PDCD2L: variants seen among roughly 807,000 people sequenced by gnomAD.
PDCD2L encodes uS5 assembly chaperone PDCD2L.
PDCD2L carries 44 observed loss-of-function variants against 40.4 expected under a neutral mutation model. The observed-to-expected ratio is 1.09, with a 90% CI of 0.86 to 1.40. The LOEUF is 1.40. PDCD2L is among the 40% of genes most tolerant of loss of function. The pLI is 0.00. For synonymous variants in PDCD2L, 194 were observed against 174.6 expected, an observed-to-expected ratio of 1.11 and a Z score of -0.88; for missense variants, 470 against 453.7, an observed-to-expected ratio of 1.04 and a Z score of -0.33.
intron 4 of PDCD2L, among the ~76,000 whole-genome samples, chr19:34,413,405 G>T (rs1036047549): frequency 6.9e-6 from 1 of 144,326 alleles, no homozygotes; most frequent in Non-Finnish European, 1.5e-5. Flanking sequence ...GCACGATCTC[G>T]GCTCACTGCA....
chr19:34,413,853 A>G lies in PDCD2L; in HGVS notation c.797+6A>G, dbSNP rs141435266. The stretch of plus-strand genomic sequence containing the variant: ...TGTCAGGAGCAGATTTTGAGGTAAA[A>G]AAAGGCACAGTTCCTTTTATTGTTT... On this transcript the variant is annotated splice_donor_region_variant and intron_variant, in intron 5 of 6. Coordinates refer to ENST00000246535, the MANE Select transcript of PDCD2L (RefSeq NM_032346.2). 23,126 of 1,504,988 alleles carry G rather than the reference A, an allele frequency of 0.015. 233 individuals are homozygous for G. Among genetic ancestry groups the G allele is most frequent in the Non-Finnish European group, 0.019 (20,607 of 1,087,352 alleles). 93.2% of individuals were successfully genotyped at this position (1,504,988 alleles called of 1,614,324 possible). A position where few individuals can be genotyped will look rare whatever the true frequency, so the allele number is the denominator to read the frequency against.
intron 4 of PDCD2L, among the ~76,000 whole-genome samples, chr19:34,413,422 G>A (rs890839516): frequency 1.3e-4 from 19 of 141,184 alleles, no homozygotes; most frequent in Admixed American, 7.8e-4. Context: ...TGCAACTTCC[G>A]CTTCCCGGGT....
chr19:34,415,074 C>T (rs1474214616), intron 5 of PDCD2L, among the ~76,000 whole-genome samples: 9 of 151,962 alleles, frequency 5.9e-5, no homozygotes, highest in East Asian at 3.9e-4. Flanking sequence ...ATGGGATTAC[C>T]GGCATCAGCC....
intron 6 of PDCD2L, 139 bp from the exon 7 acceptor site, chr19:34,425,851 C>G (rs373643980): frequency 4.0e-6 from 3 of 741,456 alleles, no homozygotes; most frequent in Admixed American, 2.9e-5. Flanking sequence ...GACTGTGATT[C>G]TGTTATAGCT....
intron 6 of PDCD2L, among the ~76,000 whole-genome samples, chr19:34,423,144 T>C (rs1599876548): frequency 2.0e-5 from 3 of 152,284 alleles, no homozygotes; most frequent in East Asian, 1.9e-4. Flanking sequence ...CTCCTTACCA[T>C]AGTAGATAAG....
At chr19:34,425,951 C>T (rs201291328) in intron 6 of PDCD2L, 39 bp from the exon 7 acceptor site, 3 of 1,595,324 alleles carry the variant, frequency 1.9e-6, no homozygotes, top group South Asian at 1.1e-5. Context: ...AGTCTCATAA[C>T]TCTTTTTGCT....
Position 34,408,711 on chromosome 19 carries a change from CTG to C in PDCD2L, c.337-446_337-445del, listed in dbSNP as rs1289389523. Among the ~76,000 whole-genome samples the C allele has an allele frequency of 2.6e-5, 4 of 152,330 alleles. No individual in the cohort carries two copies. The East Asian group carries it at 7.7e-4, about 29-fold the overall frequency. On this transcript the variant is annotated intron_variant, in intron 3 of 6. Coordinates refer to ENST00000246535, the MANE Select transcript of PDCD2L (RefSeq NM_032346.2). Reference sequence around the variant, plus strand: ...CGTTGGCTCCAAAGCCTTGTTCTGTCTGTGTCTACACAATGGCTACCTTTTGC... The same window carrying C: ...CGTTGGCTCCAAAGCCTTGTTCTGTCTGTCTACACAATGGCTACCTTTTGC...
rs1568356445 is a variant in PDCD2L, at chr19:34,404,504, GT to G, written c.75del (p.Ala26ProfsTer131). ...GTGCACGGCAGCCCCACAGGGCCGG[GT>G]GCCTGGACTGCTAGCAAGCTGGGCG... ...APVHGSPTGP[G>X]AWTASKLGGI... On this transcript the variant is annotated frameshift_variant, in exon 1 of 7. Transcript: ENST00000246535. LOFTEE classifies it high-confidence loss of function. 2.6e-6 allele frequency: 4 copies of G among 1,542,978 alleles called. No individual in the cohort carries two copies. The highest frequency in any genetic ancestry group is 3.5e-6 in the Non-Finnish European group (4 of 1,147,142).
chr19:34,422,241 G>A (rs868491349), intron 6 of PDCD2L: 1 of 150,322 alleles, frequency 6.7e-6, no homozygotes, highest in Admixed American at 6.6e-5. Context: ...TCCAGCTCCC[G>A]GGGTCTAGCA....
Position 34,409,252 on chromosome 19 carries a change from C to T in PDCD2L, c.428C>T (p.Thr143Ile), listed in dbSNP as rs1259887928. The T allele has an allele frequency of 1.9e-6, 3 of 1,614,014 alleles. No individual in the cohort carries two copies. Among genetic ancestry groups the T allele is most frequent in the Middle Eastern group, 1.6e-4 (1 of 6,082 alleles). ...GAGGAGGGGCCTTCACCACAGTTTA[C>T]CTTGGATTTTGGGAATGATGCCAGC... ...DTEEGPSPQF[T>I]LDFGNDASSA... The change falls in exon 4 of 7, where the codon ACC becomes ATC. Residue 143 changes from threonine (T) to isoleucine (I), a missense_variant. By Grantham distance (89) the Thr-to-Ile change is moderately conservative (BLOSUM62 -1). Transcript: ENST00000246535.
intron 4 of PDCD2L, among the ~76,000 whole-genome samples, chr19:34,410,762 T>TTATTTTTATTTA (rs146147218): frequency 6.8e-6 from 1 of 146,248 alleles, no homozygotes; most frequent in Non-Finnish European, 1.5e-5. Flanking sequence ...ACTTTTTATT[T>TTATTTTTATTTA]TTTATTTATT....
chr19:34,423,909 A>C (rs900143079), intron 6 of PDCD2L, among the ~76,000 whole-genome samples: 1 of 152,190 alleles, frequency 6.6e-6, no homozygotes, highest in South Asian at 2.1e-4. Context: ...TTCTTTTTGC[A>C]GTAGCTGGAT....
chr19:34,420,665 C>A lies in PDCD2L; in HGVS notation c.798-854C>A, dbSNP rs140608101. ...AAACTAGCTGGGTATGGTGATGCGC[C>A]TCTGTGTTCCCAGCTACTCAGGAGG... On this transcript the variant is annotated intron_variant, in intron 5 of 6. Transcript: ENST00000246535. Among the ~76,000 whole-genome samples the A allele has an allele frequency of 3.8e-3, 581 of 151,676 alleles. 3 individuals carry two copies. The highest frequency in any genetic ancestry group is 0.013 in the African/African-American group (551 of 41,352).
chr19:34,407,003 A>G (rs2075079727), intron 3 of PDCD2L, among the ~76,000 whole-genome samples: 1 of 151,036 alleles, frequency 6.6e-6, no homozygotes, highest in South Asian at 2.1e-4. Flanking sequence ...CGCCCAGCTA[A>G]TTTTTATATT....
Position 34,426,046 on chromosome 19 carries a change from C to A in PDCD2L, c.1003C>A (p.Pro335Thr). The change falls in exon 7 of 7, where the codon CCC becomes ACC. Residue 335 changes from proline (P) to threonine (T), a missense_variant. Physicochemically the swap from Pro to Thr is conservative, Grantham distance 38. Coordinates refer to ENST00000246535, the MANE Select transcript of PDCD2L (RefSeq NM_032346.2). ...TTACACATGTGAGAAGAGTTGCTGG[C>A]CCCCAAATCATCAGACTCCCATGGA... ...LVYTCEKSCW[P>T]PNHQTPMEEF... 6 of 1,611,864 alleles carry A rather than the reference C, an allele frequency of 3.7e-6. No individual in the cohort carries two copies. Among genetic ancestry groups the A allele is most frequent in the Non-Finnish European group, 4.2e-6 (5 of 1,178,048 alleles).
At chr19:34,410,316 A>G (rs2075096184) in intron 4 of PDCD2L, among the ~76,000 whole-genome samples, 1 of 152,188 alleles carries the variant, frequency 6.6e-6, no homozygotes, top group Non-Finnish European at 1.5e-5. Flanking sequence ...CAATGGCACG[A>G]TCTCGGCTCA....
At position 34,404,825 on chromosome 19, in the gene PDCD2L, G is replaced by A. The variant is rs746848700; in HGVS notation, c.275+10G>A. The A allele has an allele frequency of 1.2e-6, 2 of 1,602,920 alleles. No individual in the cohort carries two copies. The highest frequency in any genetic ancestry group is 1.7e-5 in the Admixed American group (1 of 58,828). On this transcript the variant is annotated intron_variant, in intron 2 of 6. Coordinates refer to ENST00000246535, the MANE Select transcript of PDCD2L (RefSeq NM_032346.2). Reference sequence around the variant, plus strand: ...CCGGCGGTGCGCGCAGGTAGGCGGGGAAGTCCCAGAGCTGCTCCAGGGGTG... The same window carrying A: ...CCGGCGGTGCGCGCAGGTAGGCGGGAAAGTCCCAGAGCTGCTCCAGGGGTG...
intron 4 of PDCD2L, among the ~76,000 whole-genome samples, chr19:34,410,553 A>G (rs2075097535): frequency 6.6e-6 from 1 of 151,958 alleles, no homozygotes; most frequent in Non-Finnish European, 1.5e-5. Flanking sequence ...TGCCTGGCCT[A>G]AAAATTTGTT....
rs754032924 is a variant in PDCD2L at position 34,419,773 on chromosome 19, C to CTTTTTTTTTTTTTTTT, written c.798-1740_798-1725dup. Reference sequence around the variant, plus strand: ...CTTTTATTTTTAACTCTTTATGTTGCTTTTTTTTTTTTTTTTTTTTTAAGA... The same window carrying CTTTTTTTTTTTTTTTT: ...CTTTTATTTTTAACTCTTTATGTTGCTTTTTTTTTTTTTTTTTTTTTTTTTTTTTTTTTTTTTAAGA... On this transcript the variant is annotated intron_variant, in intron 5 of 6. Transcript: ENST00000246535. 4.4e-4 allele frequency among the ~76,000 whole-genome samples: 16 copies of CTTTTTTTTTTTTTTTT among 36,630 alleles called. 6 individuals are homozygous for CTTTTTTTTTTTTTTTT. The highest frequency in any genetic ancestry group is 6.1e-4 in the Non-Finnish European group (13 of 21,276). The allele number at this position is 36,630 out of a possible 152,430, so 24.0% of individuals were successfully genotyped here. A position where few individuals can be genotyped will look rare whatever the true frequency, so the allele number is the denominator to read the frequency against.
Sources: allele counts gnomAD v4.1 joint callset (sites outside exome capture counted in the v4.1 genomes callset), GRCh38; gene constraint gnomAD v4.1.1; transcripts MANE v1.5; gene names NCBI Gene and HGNC (gene_info 2026-07-23, HGNC 2026-07-21).